Variants in NTRK1 observed in about 807,000 individuals in gnomAD.
NTRK1 encodes the protein high affinity nerve growth factor receptor.
In NTRK1, 62 loss-of-function variants were observed where a neutral mutation model predicts 86.8. That is an observed-to-expected ratio of 0.71 (90% CI 0.58 to 0.88). The LOEUF is 0.88. Among genes scored for constraint, NTRK1 ranks in the 40% least tolerant of loss-of-function variants. The probability of loss-of-function intolerance (pLI) is 0.00; values close to 1 mark genes in which losing one functional copy is unlikely to be tolerated. For missense variants in NTRK1, 967 were observed against 1,078.4 expected (o/e 0.90, Z 1.45); for synonymous variants, 469 against 456.6 (o/e 1.03, Z -0.35).
intron 2 of NTRK1, among the ~76,000 whole-genome samples, chr1:156,852,877 G>C (rs1655274494): frequency 6.6e-6 from 1 of 152,162 alleles, no homozygotes; most frequent in African/African-American, 2.4e-5. Context: ...CGATACAGCA[G>C]GGATCTTGTT....
chr1:156,846,015 G>C (rs1558086592), intron 2 of NTRK1: 1 of 1,614,138 alleles, frequency 6.2e-7, no homozygotes, highest in Non-Finnish European at 8.5e-7. Flanking sequence ...CACAGCACCA[G>C]GTAGTAGGTG....
At chr1:156,861,617 G>A (rs1389730735) in intron 1 of NTRK1, among the ~76,000 whole-genome samples, 2 of 152,164 alleles carry the variant, frequency 1.3e-5, no homozygotes, top group Non-Finnish European at 2.9e-5. Flanking sequence ...TTCTGGAATT[G>A]GGGATTGAGC....
chr1:156,825,907 C>G (rs1488029582), intron 1 of NTRK1, among the ~76,000 whole-genome samples: 1 of 152,150 alleles, frequency 6.6e-6, no homozygotes, highest in Non-Finnish European at 1.5e-5. Flanking sequence ...TTATTATTCT[C>G]CCCACTTTAC....
chr1:156,872,611 A>T (rs1323481957), intron 7 of NTRK1, among the ~76,000 whole-genome samples: 1 of 151,164 alleles, frequency 6.6e-6, no homozygotes, highest in Non-Finnish European at 1.5e-5. Context: ...ATATACATAT[A>T]TTTATGCATA....
At chr1:156,849,177 C>T (rs1655115682) in intron 2 of NTRK1, 1 of 1,602,504 alleles carries the variant, frequency 6.2e-7, no homozygotes, top group African/African-American at 1.3e-5. Flanking sequence ...CTCGAGCTTT[C>T]TCCCTCCCCC....
intron 1 of NTRK1, among the ~76,000 whole-genome samples, chr1:156,836,420 A>G (rs1309277553): frequency 6.6e-6 from 1 of 152,022 alleles, no homozygotes; most frequent in Non-Finnish European, 1.5e-5. Flanking sequence ...CCTACCTGGC[A>G]TCCCCATTCT....
chr1:156,851,484 C>T (rs1383075469), intron 2 of NTRK1: 2 of 1,611,858 alleles, frequency 1.2e-6, no homozygotes, highest in Admixed American at 3.3e-5. Flanking sequence ...GGTGATGGGT[C>T]TGTGGGGCAA....
rs1387674004 is a variant in NTRK1, at chr1:156,869,015, T to TCTCC, written c.717+371_717+374dup. Among the ~76,000 whole-genome samples, 163 of 31,366 alleles carry TCTCC rather than the reference T, an allele frequency of 5.2e-3. 1 individual carries two copies. The highest frequency in any genetic ancestry group is 0.02 in the Middle Eastern group (1 of 50). 20.6% of individuals were successfully genotyped at this position (31,366 alleles called of 152,430 possible). On this transcript the variant is annotated intron_variant, in intron 6 of 16. Coordinates refer to ENST00000524377, the MANE Select transcript of NTRK1 (RefSeq NM_002529.4). ...ATCCCTCCCGTACATCACTTTTCTC[T>TCTCC]CTCCCTTCCTTCCTTCCTTCCTTCC... is the stretch of plus-strand genomic sequence containing the variant.
intron 7 of NTRK1, 32 bp downstream of exon 7, chr1:156,871,787 C>A (rs756653367): frequency 2.5e-5 from 40 of 1,613,746 alleles, no homozygotes; most frequent in Admixed American, 1.2e-4. Flanking sequence ...GGCACCCACC[C>A]CCTACTCATC....
intron 1 of NTRK1, among the ~76,000 whole-genome samples, chr1:156,819,200 G>C (rs1412472760): frequency 6.6e-6 from 1 of 152,104 alleles, no homozygotes; most frequent in Non-Finnish European, 1.5e-5. Context: ...AAATAATGGG[G>C]TTTCACCATG....
Position 156,848,079 on chromosome 1 carries a change from C to T in NTRK1, c.50+5886C>T, listed in dbSNP as rs958169788. On this transcript the variant is annotated intron_variant, in intron 2 of 16. Transcript: ENST00000392302. ...AATCAGAATCAGTGGGGGGCGAGGC[C>T]CAGGAATCTGTATTTAACAAACTCT... Among the ~76,000 whole-genome samples the T allele has an allele frequency of 4.6e-5, 7 of 151,924 alleles. No individual in the cohort carries two copies. The East Asian group carries it at 1.4e-3, about 29-fold the overall frequency.
At chr1:156,880,805 G>T (rs762687184) in intron 16 of NTRK1, among the ~76,000 whole-genome samples, 4 of 152,210 alleles carry the variant, frequency 2.6e-5, no homozygotes, top group Non-Finnish European at 4.4e-5. Context: ...TCCTCTAATA[G>T]GGAGGGGGGA....
At chr1:156,864,891 G>C in intron 3 of NTRK1, 92 bp downstream of exon 3, 1 of 1,286,774 alleles carries the variant, frequency 7.8e-7, no homozygotes, top group South Asian at 1.3e-5. Flanking sequence ...GAATGATTGC[G>C]AGGAGGGCCC....
At chr1:156,869,179 C>G (rs1252632223) in intron 6 of NTRK1, among the ~76,000 whole-genome samples, 1 of 152,006 alleles carries the variant, frequency 6.6e-6, no homozygotes, top group Non-Finnish European at 1.5e-5. Flanking sequence ...TCAAGCGATT[C>G]TGCGATTCTC....
chr1:156,858,803 C>T (rs1441911779), upstream of NTRK1: 3 of 612,940 alleles, frequency 4.9e-6, no homozygotes, highest in East Asian at 8.2e-5. Flanking sequence ...ATGAGAGTCA[C>T]AGAGACACAA....
At chr1:156,844,818 C>G in intron 2 of NTRK1, 1 of 1,614,094 alleles carries the variant, frequency 6.2e-7, no homozygotes. Context: ...CCCAGGCCAC[C>G]TTTCCTGGAA....
rs879258873 is a variant in NTRK1, at chr1:156,836,723, C to CTTCACAGGGCTGAATGAGGAGCATAT, written c.-63-5349_-63-5324dup. On this transcript the variant is annotated intron_variant, in intron 1 of 16. Coordinates refer to the NTRK1 transcript ENST00000392302. ...AGGCCAAACCATTCAGATGTGCTGCCTTCACAGGGCTGAATGAGGAGCATA... is the reference window on the plus strand; with the variant it reads ...AGGCCAAACCATTCAGATGTGCTGCCTTCACAGGGCTGAATGAGGAGCATATTTCACAGGGCTGAATGAGGAGCATA... 2.0e-5 allele frequency among the ~76,000 whole-genome samples: 3 copies of CTTCACAGGGCTGAATGAGGAGCATAT among 151,242 alleles called. No individual in the cohort carries two copies. The Admixed American group carries it at 2.0e-4, about 10-fold the overall frequency.
intron 3 of NTRK1, among the ~76,000 whole-genome samples, chr1:156,866,511 TC>T (rs1159830481): frequency 6.6e-6 from 1 of 151,932 alleles, no homozygotes; most frequent in African/African-American, 2.4e-5. Flanking sequence ...GCCTCAACCC[TC>T]CCCCTCTTCC....
At chr1:156,831,485 G>A (rs1271035516) in intron 1 of NTRK1, among the ~76,000 whole-genome samples, 1 of 152,222 alleles carries the variant, frequency 6.6e-6, no homozygotes, top group African/African-American at 2.4e-5. Context: ...TCCAGATGGT[G>A]CTGGGTCAGA....
Sources: allele counts gnomAD v4.1 joint callset (sites outside exome capture counted in the v4.1 genomes callset), GRCh38; gene constraint gnomAD v4.1.1; transcripts MANE v1.5; gene names NCBI Gene and HGNC (gene_info 2026-07-23, HGNC 2026-07-21).